Variants in DCT observed in about 807,000 individuals in gnomAD.
DCT encodes L-dopachrome tautomerase.
A neutral mutation model predicts 53.0 loss-of-function variants in DCT; 47 were observed. That is an observed-to-expected ratio of 0.89 (90% confidence interval 0.70 to 1.13). DCT has a LOEUF of 1.13. Among genes scored for constraint, DCT ranks in the 50% most tolerant of loss-of-function variants. The probability of loss-of-function intolerance (pLI) is 0.00; values close to 1 mark genes in which losing one functional copy is unlikely to be tolerated. For missense variants in DCT, 669 were observed against 637.4 expected, an observed-to-expected ratio of 1.05 and a Z score of -0.53; for synonymous variants, 244 against 237.0, an observed-to-expected ratio of 1.03 and a Z score of -0.27.
intron 7 of DCT, among the ~76,000 whole-genome samples, chr13:94,440,676 G>GTTT (rs761688508): frequency 0.21 from 20,401 of 97,840 alleles, 2,616 homozygotes; most frequent in African/African-American, 0.23. Flanking sequence ...TCATTTTTTG[G>GTTT]TTTTTTTTTT....
chr13:94,486,091 G>A, the DCT span, among the ~76,000 whole-genome samples: 2 of 152,130 alleles, frequency 1.3e-5, no homozygotes, highest in African/African-American at 2.4e-5. Context: ...CAGACCTCGG[G>A]TAACAAGCTC....
the DCT span, among the ~76,000 whole-genome samples, chr13:94,526,615 G>T: frequency 8.5e-5 from 13 of 152,260 alleles, no homozygotes; most frequent in Admixed American, 2.6e-4. Flanking sequence ...AGGTAACAGA[G>T]CAAGACCTAG....
the DCT span, among the ~76,000 whole-genome samples, chr13:94,540,414 AG>A: frequency 4.5e-4 from 68 of 152,340 alleles, no homozygotes; most frequent in African/African-American, 1.6e-3. Context: ...AGACTGTGGG[AG>A]ATCAAAGAGA....
At chr13:94,446,191 T>C (rs1181802418) in intron 6 of DCT, among the ~76,000 whole-genome samples, 1 of 152,176 alleles carries the variant, frequency 6.6e-6, no homozygotes, top group African/African-American at 2.4e-5. Flanking sequence ...TGGACACCAA[T>C]AACATGGCAC....
intron 7 of DCT, 81 bp from the exon 8 acceptor site, chr13:94,440,157 G>T: frequency 8.5e-7 from 1 of 1,176,000 alleles, no homozygotes; most frequent in South Asian, 1.5e-5. Context: ...AAGCGCACTT[G>T]CCTTTCACGT....
chr13:94,453,476 A>G lies in DCT; in HGVS notation c.1179+6615T>C, dbSNP rs1378037118. Among the ~76,000 whole-genome samples, 57 of 152,190 alleles carry G rather than the reference A, an allele frequency of 3.7e-4. 1 individual carries two copies. Among genetic ancestry groups the G allele is most frequent in the Non-Finnish European group, 2.9e-5 (2 of 68,014 alleles). ...AACAATGTTATTTTATTTTTTTACA[A>G]TATTAGTCTAATTATGATTTTTCTT... On this transcript the variant is annotated intron_variant, in intron 6 of 7. Coordinates refer to ENST00000377028, the MANE Select transcript of DCT (RefSeq NM_001922.5).
At chr13:94,482,100 T>C (rs909049729), upstream of DCT, among the ~76,000 whole-genome samples, 1 of 152,212 alleles carries the variant, frequency 6.6e-6, no homozygotes, top group Non-Finnish European at 1.5e-5. Flanking sequence ...ATCAGTAGTT[T>C]CATTCAAGAG....
chr13:94,514,005 A>AAAAAAAG, the DCT span, among the ~76,000 whole-genome samples: 3 of 151,446 alleles, frequency 2.0e-5, no homozygotes, highest in African/African-American at 7.3e-5. Context: ...AAAAAAAAAA[A>AAAAAAAG]AAAAAAGATA....
At chr13:94,473,505 G>A (rs1048680586) in intron 1 of DCT, among the ~76,000 whole-genome samples, 5 of 152,088 alleles carry the variant, frequency 3.3e-5, no homozygotes, top group Non-Finnish European at 4.4e-5. Context: ...GTATAAATGA[G>A]GCAATAATAC....
chr13:94,491,707 T>C, the DCT span, among the ~76,000 whole-genome samples: 11 of 152,160 alleles, frequency 7.2e-5, no homozygotes, highest in Admixed American at 7.2e-4. Context: ...TGGGTCACCA[T>C]CATAAGACTT....
At chr13:94,472,554 ATATATATATATATATTTTTTTTTTTTT>A (rs1884779652) in intron 1 of DCT, among the ~76,000 whole-genome samples, 2 of 23,300 alleles carry the variant, frequency 8.6e-5, no homozygotes, top group Non-Finnish European at 1.5e-4. Context: ...ATATATATAT[ATATATATATATATATTTTTTTTTTTTT>A]TTTTTTTTTT....
chr13:94,527,440 C>CCAG, the DCT span, among the ~76,000 whole-genome samples: 1 of 152,180 alleles, frequency 6.6e-6, no homozygotes, highest in Non-Finnish European at 1.5e-5. Context: ...GAGGAAGGAT[C>CCAG]AGGCAGCAAT....
At chr13:94,545,116 T>A in the DCT span, among the ~76,000 whole-genome samples, 1 of 152,136 alleles carries the variant, frequency 6.6e-6, no homozygotes, top group African/African-American at 2.4e-5. Flanking sequence ...TGGTGTTCAG[T>A]CTTTCTCAGC....
chr13:94,493,081 C>T, the DCT span, among the ~76,000 whole-genome samples: 20 of 152,104 alleles, frequency 1.3e-4, no homozygotes, highest in African/African-American at 4.8e-4. Context: ...CACATCTGTG[C>T]TCAAGACAAG....
chr13:94,539,688 C>A, the DCT span, among the ~76,000 whole-genome samples: 1 of 152,050 alleles, frequency 6.6e-6, no homozygotes, highest in Non-Finnish European at 1.5e-5. Flanking sequence ...AAATTCCTTT[C>A]CAACATTATC....
intron 1 of DCT, among the ~76,000 whole-genome samples, chr13:94,471,602 T>C (rs907558806): frequency 6.6e-6 from 1 of 152,198 alleles, no homozygotes; most frequent in Non-Finnish European, 1.5e-5. Context: ...GGGGCAACCT[T>C]ACTAAAACTG....
the DCT span, among the ~76,000 whole-genome samples, chr13:94,496,617 A>G: frequency 1.3e-5 from 2 of 152,194 alleles, no homozygotes; most frequent in South Asian, 2.1e-4. Context: ...TGGATATGCT[A>G]AGGCACAGAA....
intron 6 of DCT, among the ~76,000 whole-genome samples, chr13:94,455,381 T>TAGAGAGAGAGAGAGAGAG (rs56301019): frequency 0.012 from 1,651 of 141,654 alleles, 23 homozygotes; most frequent in Non-Finnish European, 0.015. Context: ...GACTGTCTCT[T>TAGAGAGAGAGAGAGAGAG]AGAGAGAGAG....
intron 6 of DCT, among the ~76,000 whole-genome samples, chr13:94,446,348 G>T (rs1391704819): frequency 6.6e-6 from 1 of 152,172 alleles, no homozygotes; most frequent in Non-Finnish European, 1.5e-5. Context: ...TATGGAAGAA[G>T]AATGATGGAA....
Sources: gnomAD v4.1 joint callset for allele counts (sites outside exome capture counted in the v4.1 genomes callset) on GRCh38, gnomAD v4.1.1 for gene constraint, MANE v1.5 for transcripts, NCBI Gene and HGNC (gene_info 2026-07-23, HGNC 2026-07-21) for gene names.